Variants in GPHN observed in about 807,000 individuals in gnomAD.
GPHN encodes gephyrin.
Under a neutral mutation model 95.5 loss-of-function variants are expected in GPHN, and 17 were observed. The observed-to-expected ratio is 0.18, with a 90% CI of 0.12 to 0.27. The LOEUF is 0.27. Among genes scored for constraint, GPHN ranks in the 10% least tolerant of loss-of-function variants. GPHN has a pLI of 1.00. For missense variants in GPHN, 660 were observed against 978.1 expected (o/e 0.67, Z 4.34); for synonymous variants, 320 against 322.5 (o/e 0.99, Z 0.08).
intron 1 of GPHN, among the ~76,000 whole-genome samples, chr14:66,635,325 G>A (rs1489315718): frequency 2.0e-5 from 3 of 152,142 alleles, no homozygotes; most frequent in Non-Finnish European, 4.4e-5. Context: ...AAAAGAACAC[G>A]TGGGATGAGA....
chr14:67,664,709 G>T, the GPHN span, among the ~76,000 whole-genome samples: 2 of 152,126 alleles, frequency 1.3e-5, no homozygotes, highest in African/African-American at 4.8e-5. Flanking sequence ...ATGTTGGCCA[G>T]TCTGGTCTCA....
intron 1 of GPHN, among the ~76,000 whole-genome samples, chr14:66,583,986 A>T (rs565972793): frequency 6.6e-6 from 1 of 152,062 alleles, no homozygotes; most frequent in African/African-American, 2.4e-5. Flanking sequence ...CAGTATGGCC[A>T]TTTTCACGAT....
At chr14:67,243,519 G>A in the GPHN span, among the ~76,000 whole-genome samples, 1 of 112,756 alleles carries the variant, frequency 8.9e-6, no homozygotes, top group African/African-American at 3.5e-5. Context: ...TTGAGACGGA[G>A]TCTCGCGCTG....
At chr14:67,133,426 A>G (rs567251205) in intron 17 of GPHN, among the ~76,000 whole-genome samples, 23 of 152,306 alleles carry the variant, frequency 1.5e-4, no homozygotes, top group Non-Finnish European at 2.8e-4. Context: ...TCTGAAATTC[A>G]TAAATCCTAA....
chr14:67,429,277 C>A, the GPHN span, among the ~76,000 whole-genome samples: 1 of 149,896 alleles, frequency 6.7e-6, no homozygotes, highest in African/African-American at 2.5e-5. Flanking sequence ...GTCGCCCAGG[C>A]TGGCGTGCAG....
At chr14:67,558,339 A>G in the GPHN span, among the ~76,000 whole-genome samples, 1 of 152,208 alleles carries the variant, frequency 6.6e-6, no homozygotes, top group African/African-American at 2.4e-5. Flanking sequence ...CCTTCCAACC[A>G]TAATGGGCAG....
At position 67,070,694 on chromosome 14, in the gene GPHN, C is replaced by CAAAAAAA. The variant is rs34577444; in HGVS notation, c.1144+11924_1144+11930dup. On this transcript the variant is annotated intron_variant, in intron 11 of 22. Transcript: ENST00000478722. ...CTAGTGACAGAGTGAGACTTCATCT[C>CAAAAAAA]AAAAAAAAAAAAAAAAAAAAAATAT... Among the ~76,000 whole-genome samples, 13 of 64,416 alleles carry CAAAAAAA rather than the reference C, an allele frequency of 2.0e-4. 1 individual carries two copies. Among genetic ancestry groups the CAAAAAAA allele is most frequent in the East Asian group, 1.5e-3 (2 of 1,362 alleles). The allele number at this position is 64,416 out of a possible 152,430, so 42.3% of individuals were successfully genotyped here.
In GPHN at chr14:67,049,920, AAC is replaced by A. The variant is rs1435148152; in HGVS notation, c.1007-8724_1007-8723del. 2.6e-5 allele frequency among the ~76,000 whole-genome samples: 4 copies of A among 152,126 alleles called. No individual in the cohort carries two copies. In the South Asian group the frequency reaches 8.3e-4, roughly 32 times the overall value. On this transcript the variant is annotated intron_variant, in intron 10 of 22. Coordinates refer to ENST00000478722, the MANE Select transcript of GPHN (RefSeq NM_020806.5). ...AAAAAGGTGCTTAATTGATATTGAA[AAC>A]ACACGCACGCACACACATGCATGCA...
chr14:67,093,661 C>T (rs974394174), intron 12 of GPHN, among the ~76,000 whole-genome samples: 1 of 152,050 alleles, frequency 6.6e-6, no homozygotes, highest in Non-Finnish European at 1.5e-5. Context: ...TAGGCATTTT[C>T]CCTGGAAGAT....
intron 2 of GPHN, among the ~76,000 whole-genome samples, chr14:66,686,447 C>T (rs2153401632): frequency 6.6e-6 from 1 of 152,264 alleles, no homozygotes; most frequent in Admixed American, 6.5e-5. Flanking sequence ...TTGTAGTTCT[C>T]CTTGAAGAGG....
At chr14:67,407,871 G>A in the GPHN span, among the ~76,000 whole-genome samples, 1 of 152,180 alleles carries the variant, frequency 6.6e-6, no homozygotes, top group Admixed American at 6.5e-5. Context: ...TACTTGGGAG[G>A]CTGAGCCAGG....
At chr14:67,054,583 A>G (rs1471186445) in intron 10 of GPHN, among the ~76,000 whole-genome samples, 1 of 152,230 alleles carries the variant, frequency 6.6e-6, no homozygotes, top group East Asian at 1.9e-4. Context: ...CATTTTTCAC[A>G]GAATTAGAAA....
intron 4 of GPHN, among the ~76,000 whole-genome samples, chr14:66,866,162 T>A (rs931677596): frequency 6.6e-6 from 1 of 152,162 alleles, no homozygotes; most frequent in African/African-American, 2.4e-5. Flanking sequence ...TCCTAGGGTG[T>A]ATAGTATTAT....
At chr14:66,882,868 AG>A (rs1368314153) in intron 5 of GPHN, among the ~76,000 whole-genome samples, 5 of 151,012 alleles carry the variant, frequency 3.3e-5, no homozygotes, top group African/African-American at 7.3e-5. Context: ...AAAAAAAAAA[AG>A]TAAAATAAAA....
chr14:67,725,262 C>A, the GPHN span: 3 of 1,612,674 alleles, frequency 1.9e-6, no homozygotes, highest in East Asian at 6.7e-5. Flanking sequence ...CAGGTGAGGT[C>A]CTGATGGGTA....
At chr14:67,642,276 T>G in the GPHN span, 1 of 1,614,044 alleles carries the variant, frequency 6.2e-7, no homozygotes, top group South Asian at 1.1e-5. Context: ...CCACGCTCAG[T>G]GGGTCTTGCC....
the GPHN span, chr14:67,642,408 C>G: frequency 3.1e-6 from 5 of 1,590,912 alleles, no homozygotes; most frequent in Middle Eastern, 2.1e-4. Context: ...TTACATGGTG[C>G]TTGGGGCTCA....
At chr14:66,683,933 C>T (rs191464502) in intron 2 of GPHN, among the ~76,000 whole-genome samples, 1 of 151,246 alleles carries the variant, frequency 6.6e-6, no homozygotes, top group East Asian at 2.0e-4. Flanking sequence ...CAGAGATCGC[C>T]CCACCACACT....
chr14:66,801,045 G>A (rs1426584801), intron 3 of GPHN, among the ~76,000 whole-genome samples: 2 of 151,880 alleles, frequency 1.3e-5, no homozygotes, highest in East Asian at 1.9e-4. Flanking sequence ...TTCTTTTTTA[G>A]TTACTTAATT....
Sources: gnomAD v4.1 joint callset for allele counts (sites outside exome capture counted in the v4.1 genomes callset) on GRCh38, gnomAD v4.1.1 for gene constraint, MANE v1.5 for transcripts, NCBI Gene and HGNC (gene_info 2026-07-23, HGNC 2026-07-21) for gene names.